Variants in CACHD1 observed in about 807,000 individuals in gnomAD.
CACHD1 encodes the protein VWFA and cache domain-containing protein 1.
A neutral mutation model predicts 138.7 loss-of-function variants in CACHD1; 71 were observed. The ratio of observed to expected loss-of-function variants is 0.51; its 90% CI spans 0.42 to 0.62. CACHD1 has a LOEUF of 0.62. CACHD1 is among the 20% of genes least tolerant of loss of function. CACHD1 has a pLI of 0.00. For synonymous variants in CACHD1, 578 were observed against 591.5 expected, an observed-to-expected ratio of 0.98 and a Z score of 0.33; for missense variants, 1,389 against 1,625.3, an observed-to-expected ratio of 0.85 and a Z score of 2.50.
chr1:64,632,534 CTG>C, intron 5 of CACHD1, 63 bp from the exon 6 acceptor site: 1 of 1,556,500 alleles, frequency 6.4e-7, no homozygotes, highest in Non-Finnish European at 8.8e-7. Context: ...GTGTTCACAG[CTG>C]TGTTAAGTTG....
At chr1:64,611,437 A>T (rs1198298257) in intron 4 of CACHD1, among the ~76,000 whole-genome samples, 1 of 152,244 alleles carries the variant, frequency 6.6e-6, no homozygotes, top group African/African-American at 2.4e-5. Context: ...TCATGCATAT[A>T]TGCATACAGT....
intron 3 of CACHD1, among the ~76,000 whole-genome samples, chr1:64,595,913 T>A (rs1193821563): frequency 6.6e-6 from 1 of 152,200 alleles, no homozygotes; most frequent in Non-Finnish European, 1.5e-5. Context: ...AACCAGCCCT[T>A]GTTTCCAATC....
chr1:64,477,658 C>T (rs1056232497), intron 1 of CACHD1, among the ~76,000 whole-genome samples: 1 of 144,744 alleles, frequency 6.9e-6, no homozygotes, highest in Admixed American at 6.9e-5. Context: ...GACGGAGTCT[C>T]GCTCTGTCGC....
At chr1:64,566,099 T>A (rs1646878487) in intron 2 of CACHD1, among the ~76,000 whole-genome samples, 1 of 152,172 alleles carries the variant, frequency 6.6e-6, no homozygotes, top group Non-Finnish European at 1.5e-5. Context: ...ATTAATTGCA[T>A]CTCTCTTTAG....
Position 64,634,137 on chromosome 1 carries a change from A to AG in CACHD1, c.885dup (p.Lys296GlufsTer7). The AG allele has an allele frequency of 7.4e-6, 12 of 1,614,006 alleles. No homozygotes were observed. Among genetic ancestry groups the AG allele is most frequent in the Non-Finnish European group, 1.0e-5 (12 of 1,179,988 alleles). On this transcript the variant is annotated frameshift_variant, in exon 7 of 27. Coordinates refer to ENST00000651257, the MANE Select transcript of CACHD1 (RefSeq NM_020925.4). LOFTEE classifies it high-confidence loss of function. The stretch of plus-strand genomic sequence containing the variant: ...GTCTCCAGCCACCAGTGAGACAAAA[A>AG]GGAAAATGTCCACCTTTGTTAGCAG...
chr1:64,677,350 A>T (rs1372000650), intron 22 of CACHD1, among the ~76,000 whole-genome samples: 8 of 152,206 alleles, frequency 5.3e-5, no homozygotes, highest in Non-Finnish European at 8.8e-5. Flanking sequence ...AAGCTCATTT[A>T]TTTTCCTTTC....
intron 1 of CACHD1, among the ~76,000 whole-genome samples, chr1:64,524,037 AAG>A (rs1259904753): frequency 4.0e-4 from 61 of 152,248 alleles, no homozygotes; most frequent in Non-Finnish European, 8.1e-4. Flanking sequence ...ACAAAAAAAA[AAG>A]AGACACCATC....
intron 1 of CACHD1, among the ~76,000 whole-genome samples, chr1:64,485,509 T>A (rs1292950565): frequency 6.6e-6 from 1 of 152,216 alleles, no homozygotes; most frequent in African/African-American, 2.4e-5. Context: ...CTGAGTACCA[T>A]TCTGTTGTAC....
At position 64,678,204 on chromosome 1, in the gene CACHD1, T is replaced by G; in HGVS notation, c.3138T>G (p.Ser1046Arg). The change falls in exon 23 of 27, where the codon AGT becomes AGG. Residue 1046 changes from serine (S) to arginine (R), a missense_variant. This residue lies in a region of CACHD1 where 250 missense variants were observed against 292.9 expected (regional missense o/e 0.85). Coordinates refer to ENST00000651257, the MANE Select transcript of CACHD1 (RefSeq NM_020925.4). ...VLDCEWCMVD[S>R]DGKTHLDKPY... The stretch of plus-strand genomic sequence containing the variant: ...ATTGTGAATGGTGCATGGTGGACAG[T>G]GATGGAAAGACTCACCTGGACAAAC... 2 of 1,612,430 alleles carry G rather than the reference T, an allele frequency of 1.2e-6. No individual in the cohort carries two copies. Among genetic ancestry groups the G allele is most frequent in the Non-Finnish European group, 1.7e-6 (2 of 1,179,454 alleles).
chr1:64,502,401 A>G (rs1362342793), intron 1 of CACHD1, among the ~76,000 whole-genome samples: 3 of 152,118 alleles, frequency 2.0e-5, no homozygotes, highest in East Asian at 1.9e-4. Context: ...CATAATGTAC[A>G]CTGGTGTACA....
At chr1:64,666,004 C>G in intron 15 of CACHD1, 53 bp from the exon 16 acceptor site, 1 of 1,115,920 alleles carries the variant, frequency 9.0e-7, no homozygotes, top group South Asian at 1.5e-5. Context: ...GACTCCATCT[C>G]AAAAAAAATA....
rs1426715769 is a variant in CACHD1 at position 64,675,544 on chromosome 1, C to G, written c.2871C>G (p.Leu957=). The part of the protein sequence containing the change: ...AFCACSMVDR[L]CLNCHRMEQN... ...GTGCCTGCAGCATGGTGGACCGACTCTGTCTCAACTGTCACCGGTAAAAAT... is the reference window on the plus strand; with the variant it reads ...GTGCCTGCAGCATGGTGGACCGACTGTGTCTCAACTGTCACCGGTAAAAAT... Residue 957 remains leucine (L), a synonymous_variant, in exon 20 of 27, where the codon CTC becomes CTG. Transcript: ENST00000651257. The G allele has an allele frequency of 2.5e-6, 4 of 1,608,248 alleles. No homozygotes were observed. Among genetic ancestry groups the G allele is most frequent in the African/African-American group, 2.7e-5 (2 of 74,870 alleles).
intron 4 of CACHD1, among the ~76,000 whole-genome samples, chr1:64,628,190 T>A (rs1648175602): frequency 6.6e-6 from 1 of 152,238 alleles, no homozygotes; most frequent in Non-Finnish European, 1.5e-5. Flanking sequence ...AACAGATCCT[T>A]ATTTGATCAC....
chr1:64,599,845 AG>A (rs1647196009), intron 3 of CACHD1, among the ~76,000 whole-genome samples: 1 of 152,122 alleles, frequency 6.6e-6, no homozygotes, highest in Non-Finnish European at 1.5e-5. Flanking sequence ...AGCTCTCTCA[AG>A]GGGTGATGCT....
At chr1:64,570,117 A>G (rs572400446) in intron 2 of CACHD1, among the ~76,000 whole-genome samples, 1 of 152,354 alleles carries the variant, frequency 6.6e-6, no homozygotes, top group South Asian at 2.1e-4. Context: ...ATCTGAGAAC[A>G]TATTATAAAA....
At chr1:64,590,340 A>AT in intron 3 of CACHD1, among the ~76,000 whole-genome samples, 1 of 152,014 alleles carries the variant, frequency 6.6e-6, no homozygotes, top group East Asian at 1.9e-4. Context: ...AAAAAAAAAA[A>AT]AAAAGTTAAT....
intron 1 of CACHD1, among the ~76,000 whole-genome samples, chr1:64,502,526 C>G (rs373027161): frequency 1.3e-5 from 2 of 152,006 alleles, no homozygotes; most frequent in African/African-American, 4.8e-5. Context: ...TTCCCTCTCT[C>G]TGTGTGTGTA....
chr1:64,483,261 C>T (rs528609232), intron 1 of CACHD1, among the ~76,000 whole-genome samples: 9 of 152,242 alleles, frequency 5.9e-5, no homozygotes, highest in African/African-American at 2.2e-4. Context: ...GAATGTAAAA[C>T]ATACAAAAAT....
In CACHD1 at chr1:64,663,599, A is replaced by G. The variant is rs188877123; in HGVS notation, c.1952-96A>G. ...GGAAAAAAAAAGACATTAAGCCACC[A>G]TAGCTGACAGATTGGCAGAGCCCGA... is the stretch of plus-strand genomic sequence containing the variant. On this transcript the variant is annotated intron_variant, in intron 13 of 26. Transcript: ENST00000651257. 817 of 1,442,366 alleles carry G rather than the reference A, an allele frequency of 5.7e-4. 2 individuals carry two copies. The African/African-American group carries it at 0.01, about 18-fold the overall frequency. 89.3% of individuals were successfully genotyped at this position (1,442,366 alleles called of 1,614,324 possible).
Sources: gnomAD v4.1 joint callset for allele counts (sites outside exome capture counted in the v4.1 genomes callset) on GRCh38, gnomAD v4.1.1 for gene constraint, gnomAD v4.1.1 regional missense constraint, MANE v1.5 for transcripts, NCBI Gene and HGNC (gene_info 2026-07-23, HGNC 2026-07-21) for gene names.